SNX30: variants seen among roughly 807,000 people sequenced by gnomAD.
SNX30 encodes the protein sorting nexin family member 30, also known as sorting nexin-30.
In SNX30, 24 loss-of-function variants were observed where a neutral mutation model predicts 46.4. The observed-to-expected ratio is 0.52, with a 90% CI of 0.37 to 0.73. SNX30 has a LOEUF of 0.73. Among genes scored for constraint, SNX30 ranks in the 30% least tolerant of loss-of-function variants. The pLI is 0.00. For synonymous variants in SNX30, 189 were observed against 211.5 expected, an observed-to-expected ratio of 0.89 and a Z score of 0.92; for missense variants, 533 against 555.7, an observed-to-expected ratio of 0.96 and a Z score of 0.41.
downstream of SNX30, among the ~76,000 whole-genome samples, chr9:112,876,520 A>G (rs1481765616): frequency 1.3e-5 from 2 of 152,194 alleles, no homozygotes; most frequent in African/African-American, 4.8e-5. Context: ...GTTTCGCTTT[A>G]GGTTTGAGGA....
At chr9:112,882,348 T>C (rs1307135766), downstream of SNX30, among the ~76,000 whole-genome samples, 1 of 151,968 alleles carries the variant, frequency 6.6e-6, no homozygotes, top group Non-Finnish European at 1.5e-5. Context: ...CTCAAGCAAT[T>C]CCCCCACCTC....
At chr9:112,847,759 G>A (rs1038819438) in intron 6 of SNX30, among the ~76,000 whole-genome samples, 5 of 152,318 alleles carry the variant, frequency 3.3e-5, no homozygotes, top group Admixed American at 3.3e-4. Context: ...AAAAATAAGT[G>A]TCCGAGAGGA....
chr9:112,811,582 T>C (rs1185950326), intron 2 of SNX30, among the ~76,000 whole-genome samples: 1 of 152,136 alleles, frequency 6.6e-6, no homozygotes, highest in East Asian at 1.9e-4. Flanking sequence ...TCCAGGGATG[T>C]CTGGAGATGA....
At chr9:112,763,572 C>T (rs1048439949) in intron 1 of SNX30, among the ~76,000 whole-genome samples, 2 of 149,894 alleles carry the variant, frequency 1.3e-5, no homozygotes, top group Non-Finnish European at 3.0e-5. Context: ...AGTGACAGGC[C>T]GGGCGCCGTG....
intron 6 of SNX30, among the ~76,000 whole-genome samples, chr9:112,846,056 A>T (rs556233006): frequency 2.6e-5 from 4 of 152,220 alleles, no homozygotes; most frequent in Non-Finnish European, 5.9e-5. Context: ...AATTAAAACC[A>T]TAATAGGAAT....
At chr9:112,770,162 A>C (rs528764976) in intron 1 of SNX30, among the ~76,000 whole-genome samples, 1 of 152,182 alleles carries the variant, frequency 6.6e-6, no homozygotes, top group South Asian at 2.1e-4. Context: ...TTGCTTTTTA[A>C]ATTTAATTAA....
chr9:112,837,883 TTTTC>T (rs1840785584), intron 5 of SNX30, among the ~76,000 whole-genome samples: 1 of 127,568 alleles, frequency 7.8e-6, no homozygotes, highest in African/African-American at 3.0e-5. Flanking sequence ...CGAGTGGTTC[TTTTC>T]TTTTTTTTTT....
intron 3 of SNX30, among the ~76,000 whole-genome samples, chr9:112,825,182 G>C (rs1840563101): frequency 6.6e-6 from 1 of 152,134 alleles, no homozygotes; most frequent in African/African-American, 2.4e-5. Context: ...TTCCACAGTG[G>C]CTTATAATTT....
chr9:112,786,601 T>C (rs1317301130), intron 1 of SNX30, among the ~76,000 whole-genome samples: 2 of 152,126 alleles, frequency 1.3e-5, no homozygotes, highest in South Asian at 2.1e-4. Flanking sequence ...AGAATGCCCA[T>C]GTGAGAGGGC....
At position 112,838,445 on chromosome 9, in the gene SNX30, T is replaced by C; in HGVS notation, c.815-53T>C. ...GCTGTGGTGATTACTGAGTCAGTAATAGCAGCAACTGCTACCCAGCCAGAT... is the reference window on the plus strand; with the variant it reads ...GCTGTGGTGATTACTGAGTCAGTAACAGCAGCAACTGCTACCCAGCCAGAT... On this transcript the variant is annotated intron_variant, in intron 5 of 8. Transcript: ENST00000374232. 14 of 1,499,180 alleles carry C rather than the reference T, an allele frequency of 9.3e-6. 1 individual carries two copies. Among genetic ancestry groups the C allele is most frequent in the Non-Finnish European group, 1.0e-5 (11 of 1,096,338 alleles). 92.9% of individuals were successfully genotyped at this position (1,499,180 alleles called of 1,614,324 possible).
chr9:112,753,603 G>A (rs1414138626), intron 1 of SNX30, among the ~76,000 whole-genome samples: 2 of 152,240 alleles, frequency 1.3e-5, no homozygotes, highest in African/African-American at 2.4e-5. Flanking sequence ...GGCTAGTCTC[G>A]AACTCCTGGC....
intron 3 of SNX30, among the ~76,000 whole-genome samples, chr9:112,826,052 C>T (rs113496462): frequency 2.0e-5 from 3 of 152,056 alleles, no homozygotes; most frequent in East Asian, 3.8e-4. Context: ...AAGAATGGAC[C>T]CCTATTGTAG....
rs2131339002 is a variant in SNX30, at chr9:112,750,928, C to A, written c.-74C>A. The A allele has an allele frequency of 8.6e-7, 1 of 1,158,200 alleles. No homozygotes were observed. The highest frequency in any genetic ancestry group is 1.6e-5 in the African/African-American group (1 of 61,594). 71.7% of individuals were successfully genotyped at this position (1,158,200 alleles called of 1,614,324 possible). A position where few individuals can be genotyped will look rare whatever the true frequency, so the allele number is the denominator to read the frequency against. On this transcript the variant is annotated 5_prime_UTR_variant, in exon 1 of 9. Transcript: ENST00000374232. ...AGCGGCGGCCGAGCGGGGCTCGGCC[C>A]GGGGTGCTCGGGGAGCTCGCCGCGG...
intron 1 of SNX30, among the ~76,000 whole-genome samples, chr9:112,789,397 G>T (rs1258181797): frequency 1.3e-5 from 2 of 152,080 alleles, no homozygotes; most frequent in Non-Finnish European, 2.9e-5. Context: ...TTCTCAAGTT[G>T]CCCCCATCCA....
chr9:112,809,820 A>G (rs376742010), intron 2 of SNX30, among the ~76,000 whole-genome samples: 2 of 152,008 alleles, frequency 1.3e-5, no homozygotes, highest in Non-Finnish European at 2.9e-5. Context: ...GAAAACAAGC[A>G]TAGAGAGCAG....
At position 112,751,174 on chromosome 9, in the gene SNX30, C is replaced by A; in HGVS notation, c.156+17C>A. On this transcript the variant is annotated intron_variant, in intron 1 of 8. Transcript: ENST00000374232. ...GGTGACAAGGTGGGGCGCCTGGGGC[C>A]GGGGAGTGGGAGGCTTATTTCGCTC... The A allele has an allele frequency of 6.7e-7, 1 of 1,484,428 alleles. No individual in the cohort carries two copies. Among genetic ancestry groups the A allele is most frequent in the Admixed American group, 2.2e-5 (1 of 46,080 alleles). The allele number at this position is 1,484,428 out of a possible 1,614,324, so 92.0% of individuals were successfully genotyped here.
Position 112,817,711 on chromosome 9 carries a change from C to T in SNX30, c.355C>T (p.Arg119Trp), listed in dbSNP as rs1187544467. Residue 119 changes from arginine (R) to tryptophan (W), a missense_variant, in exon 3 of 9, where the codon CGG becomes TGG. Coordinates refer to ENST00000374232, the MANE Select transcript of SNX30 (RefSeq NM_001012994.2). ...TCCATTCTCTTCTTTGCAGAGTACT[C>T]GGGTGGAGTTTGACCTGCCAGAATA... is the stretch of plus-strand genomic sequence containing the variant. ...ITYRITTKST[R>W]VEFDLPEYSV... is the part of the protein sequence containing the mutation. 9 of 1,594,512 alleles carry T rather than the reference C, an allele frequency of 5.6e-6. No homozygotes were observed. In the South Asian group the frequency reaches 6.6e-5, roughly 12 times the overall value.
intron 1 of SNX30, among the ~76,000 whole-genome samples, chr9:112,760,137 A>G (rs1438417410): frequency 6.6e-5 from 10 of 152,170 alleles, no homozygotes; most frequent in Admixed American, 6.5e-4. Context: ...TGGGTGGTAA[A>G]TTGACCCAGA....
At chr9:112,882,215 T>C (rs117300892), downstream of SNX30, among the ~76,000 whole-genome samples, 3,068 of 152,264 alleles carry the variant, frequency 0.02, 167 homozygotes, top group East Asian at 0.21. Context: ...CAAGCAATCC[T>C]CGCACATCAG....
Sources: allele counts gnomAD v4.1 joint callset (sites outside exome capture counted in the v4.1 genomes callset), GRCh38; gene constraint gnomAD v4.1.1; transcripts MANE v1.5; gene names NCBI Gene and HGNC (gene_info 2026-07-23, HGNC 2026-07-21).